GMDS: variants seen among roughly 807,000 people sequenced by gnomAD.
GMDS encodes the protein GDP-mannose 4,6 dehydratase.
A neutral mutation model predicts 49.9 loss-of-function variants in GMDS; 20 were observed. The ratio of observed to expected loss-of-function variants is 0.40; its 90% CI spans 0.28 to 0.58. The LOEUF is 0.58. Among genes scored for constraint, GMDS ranks in the 20% least tolerant of loss-of-function variants. GMDS has a pLI of 0.42. For synonymous variants in GMDS, 177 were observed against 178.6 expected (o/e 0.99, Z 0.07); for missense variants, 362 against 481.4 (o/e 0.75, Z 2.32).
chr6:1,728,978 A>C (rs577217207), intron 8 of GMDS, among the ~76,000 whole-genome samples: 73 of 152,030 alleles, frequency 4.8e-4, no homozygotes, highest in Admixed American at 7.2e-4. Flanking sequence ...AAAACCAAAA[A>C]CAAAACCAAA....
chr6:2,135,779 G>C (rs1775965023), intron 1 of GMDS, among the ~76,000 whole-genome samples: 1 of 152,054 alleles, frequency 6.6e-6, no homozygotes, highest in Non-Finnish European at 1.5e-5. Flanking sequence ...AACAGATAAA[G>C]ATGAATTTTA....
intron 6 of GMDS, among the ~76,000 whole-genome samples, chr6:1,939,506 T>A (rs973324641): frequency 5.9e-5 from 9 of 151,572 alleles, no homozygotes; most frequent in Non-Finnish European, 1.5e-5. Flanking sequence ...TATACACACA[T>A]GCATATATAT....
chr6:2,187,634 G>C (rs1448603366), intron 1 of GMDS, among the ~76,000 whole-genome samples: 1 of 152,168 alleles, frequency 6.6e-6, no homozygotes, highest in Non-Finnish European at 1.5e-5. Flanking sequence ...GAACATTAAG[G>C]TTTAAATTTG....
chr6:2,084,133 T>A, intron 4 of GMDS, among the ~76,000 whole-genome samples: 1 of 152,332 alleles, frequency 6.6e-6, no homozygotes, highest in African/African-American at 2.4e-5. Context: ...TGGGTCAGAT[T>A]ATAAAAATTA....
chr6:2,053,475 T>C (rs1476478755), intron 4 of GMDS, among the ~76,000 whole-genome samples: 1 of 152,132 alleles, frequency 6.6e-6, no homozygotes, highest in Non-Finnish European at 1.5e-5. Context: ...AAAGCTCTTA[T>C]GGCTTTTCTG....
rs1035924761 is a variant in GMDS, at chr6:1,778,790, G to A, written c.772-36204C>T. On this transcript the variant is annotated intron_variant, in intron 7 of 10. Transcript: ENST00000380815. The surrounding 1 kb of genome is among the most constrained non-coding windows in gnomAD (Gnocchi z 4.6). ...CGTCGACAGCAGCAGCCTGACCAGT[G>A]TGGGCCAGGACTGTACCAGCTCTGC... 3.3e-5 allele frequency among the ~76,000 whole-genome samples: 5 copies of A among 152,022 alleles called. No homozygotes were observed. Among genetic ancestry groups the A allele is most frequent in the African/African-American group, 1.2e-4 (5 of 41,394 alleles).
At chr6:2,156,546 C>G (rs1240993418) in intron 1 of GMDS, among the ~76,000 whole-genome samples, 1 of 151,996 alleles carries the variant, frequency 6.6e-6, no homozygotes, top group Admixed American at 6.6e-5. Context: ...CAAATATAGT[C>G]TTAGAACATT....
chr6:1,824,871 G>C, intron 7 of GMDS, among the ~76,000 whole-genome samples: 1 of 152,104 alleles, frequency 6.6e-6, no homozygotes, highest in Non-Finnish European at 1.5e-5. Context: ...TTTGGACTGT[G>C]GTACCATACG....
intron 9 of GMDS, among the ~76,000 whole-genome samples, chr6:1,647,651 G>A (rs1013928845): frequency 2.0e-5 from 3 of 152,198 alleles, no homozygotes; most frequent in Non-Finnish European, 1.5e-5. Flanking sequence ...CACTGACTTA[G>A]TTCCTGGGCA....
chr6:1,822,931 C>A (rs1770956449), intron 7 of GMDS, among the ~76,000 whole-genome samples: 1 of 152,158 alleles, frequency 6.6e-6, no homozygotes, highest in East Asian at 1.9e-4. Context: ...AGGTTTTCCC[C>A]AAATTACAAA....
At chr6:1,764,021 G>C (rs533020320) in intron 7 of GMDS, among the ~76,000 whole-genome samples, 1 of 152,222 alleles carries the variant, frequency 6.6e-6, no homozygotes, top group Admixed American at 6.5e-5. Flanking sequence ...GGCATTGTAG[G>C]CCTGCCTGCT....
intron 4 of GMDS, among the ~76,000 whole-genome samples, chr6:2,082,191 A>C (rs1018765284): frequency 1.3e-5 from 2 of 152,132 alleles, no homozygotes; most frequent in Admixed American, 1.3e-4. Context: ...CACACACACA[A>C]ACACACACTC....
intron 1 of GMDS, among the ~76,000 whole-genome samples, chr6:2,223,485 G>C (rs1240713805): frequency 2.0e-5 from 3 of 152,086 alleles, no homozygotes; most frequent in Admixed American, 2.0e-4. Context: ...AAAAAGACTG[G>C]AAGCAGAAGA....
intron 1 of GMDS, among the ~76,000 whole-genome samples, chr6:2,200,697 A>G (rs1779478920): frequency 6.7e-6 from 1 of 150,134 alleles, no homozygotes; most frequent in Admixed American, 6.6e-5. Flanking sequence ...GCAGCATGTT[A>G]GCAGAGAGGT....
At chr6:2,060,901 T>C (rs1771111037) in intron 4 of GMDS, among the ~76,000 whole-genome samples, 2 of 151,762 alleles carry the variant, frequency 1.3e-5, no homozygotes, top group African/African-American at 4.8e-5. Flanking sequence ...GCGCCTTTAA[T>C]CCCAGCTACC....
intron 9 of GMDS, among the ~76,000 whole-genome samples, chr6:1,687,878 G>A (rs954765428): frequency 2.6e-5 from 4 of 152,110 alleles, no homozygotes; most frequent in Non-Finnish European, 5.9e-5. Context: ...AGGTTGGGGC[G>A]GGGCAGGTCA....
chr6:1,866,779 G>T (rs754321024), intron 7 of GMDS, among the ~76,000 whole-genome samples: 34 of 152,178 alleles, frequency 2.2e-4, no homozygotes, highest in Non-Finnish European at 4.4e-4. Context: ...TGAACCTTGG[G>T]AGTACACTTG....
chr6:2,096,196 A>C (rs2127481129), intron 4 of GMDS, among the ~76,000 whole-genome samples: 1 of 152,320 alleles, frequency 6.6e-6, no homozygotes, highest in Middle Eastern at 3.4e-3. Context: ...GCAGAGTAAA[A>C]GGGTAGATCT....
chr6:2,104,958 A>G lies in GMDS; in HGVS notation c.345+10813T>C, dbSNP rs879902821. Among the ~76,000 whole-genome samples the G allele has an allele frequency of 1.3e-4, 20 of 152,210 alleles. No individual in the cohort carries two copies. The South Asian group carries it at 1.5e-3, about 11-fold the overall frequency. Reference sequence around the variant, plus strand: ...AGCACTTTGGGAGGCTGAGGCGGGCAGATCACAAAGTCAGGAGATCGAGAC... The same window carrying G: ...AGCACTTTGGGAGGCTGAGGCGGGCGGATCACAAAGTCAGGAGATCGAGAC... On this transcript the variant is annotated intron_variant, in intron 4 of 10. Coordinates refer to ENST00000380815, the MANE Select transcript of GMDS (RefSeq NM_001500.4).
Sources: allele counts gnomAD v4.1 joint callset (sites outside exome capture counted in the v4.1 genomes callset), GRCh38; gene constraint gnomAD v4.1.1; non-coding constraint Gnocchi (gnomAD v3.1); transcripts MANE v1.5; gene names NCBI Gene and HGNC (gene_info 2026-07-23, HGNC 2026-07-21).